Variants in GPC5 observed in about 807,000 individuals in gnomAD.
GPC5 encodes the protein glypican-5.
GPC5 carries 47 observed loss-of-function variants against 53.9 expected under a neutral mutation model. The observed-to-expected ratio is 0.87, with a 90% CI of 0.69 to 1.11. The LOEUF (loss-of-function observed/expected upper bound fraction) is 1.11, where lower values mean the gene tolerates loss of function less well. Among genes scored for constraint, GPC5 ranks in the 50% most tolerant of loss-of-function variants. The pLI is 0.00. For missense variants in GPC5, 748 were observed against 713.1 expected (o/e 1.05, Z -0.56); for synonymous variants, 286 against 263.3 (o/e 1.09, Z -0.84).
At chr13:92,604,522 C>G (rs939022237) in intron 7 of GPC5, among the ~76,000 whole-genome samples, 3 of 152,124 alleles carry the variant, frequency 2.0e-5, no homozygotes, top group African/African-American at 7.2e-5. Context: ...TCAAGTTAAC[C>G]CTCTTAAAAG....
intron 7 of GPC5, among the ~76,000 whole-genome samples, chr13:92,860,182 A>C (rs572240118): frequency 1.3e-4 from 20 of 152,206 alleles, no homozygotes; most frequent in African/African-American, 4.3e-4. Context: ...TTTTTACATA[A>C]TTTATCAAAA....
chr13:91,493,174 C>A (rs1884034779), intron 2 of GPC5, among the ~76,000 whole-genome samples: 1 of 152,148 alleles, frequency 6.6e-6, no homozygotes, highest in Admixed American at 6.5e-5. Context: ...TGCAGCAGAA[C>A]AGAGGAAGAA....
At chr13:92,226,612 C>T (rs934149178) in intron 7 of GPC5, among the ~76,000 whole-genome samples, 2 of 148,496 alleles carry the variant, frequency 1.3e-5, no homozygotes, top group Non-Finnish European at 3.0e-5. Flanking sequence ...ACAAGCAGAA[C>T]TTTTTTTTTT....
chr13:92,204,546 A>G (rs569666303), intron 7 of GPC5, among the ~76,000 whole-genome samples: 2 of 152,246 alleles, frequency 1.3e-5, no homozygotes, highest in African/African-American at 2.4e-5. Context: ...TCCACACAAC[A>G]CTACCCTCTC....
chr13:91,995,997 G>A (rs2040500360), intron 6 of GPC5: 1 of 152,152 alleles, frequency 6.6e-6, no homozygotes, highest in Admixed American at 6.5e-5. Flanking sequence ...ATGGAATTAT[G>A]GGCAGTTCCC....
chr13:91,690,189 A>T (rs1230935317), intron 2 of GPC5, among the ~76,000 whole-genome samples: 1 of 152,206 alleles, frequency 6.6e-6, no homozygotes, highest in Admixed American at 6.6e-5. Flanking sequence ...TTGATGACAT[A>T]TAATTTCCCC....
intron 6 of GPC5, among the ~76,000 whole-genome samples, chr13:92,066,240 A>G (rs555048254): frequency 6.6e-6 from 1 of 152,180 alleles, no homozygotes; most frequent in East Asian, 1.9e-4. Flanking sequence ...TAAGCTAATC[A>G]CTGTATCTTT....
chr13:92,097,203 C>T (rs868302118), intron 6 of GPC5, among the ~76,000 whole-genome samples: 7 of 152,186 alleles, frequency 4.6e-5, no homozygotes, highest in Non-Finnish European at 8.8e-5. Context: ...CACTGTTATG[C>T]GGAAAGGAGA....
At chr13:92,620,478 G>A (rs1884836131) in intron 7 of GPC5, among the ~76,000 whole-genome samples, 3 of 152,116 alleles carry the variant, frequency 2.0e-5, no homozygotes, top group Admixed American at 2.0e-4. Flanking sequence ...TTTACATTTT[G>A]TAATATAAAG....
At chr13:91,825,912 T>G (rs2038569008) in intron 5 of GPC5, among the ~76,000 whole-genome samples, 1 of 152,074 alleles carries the variant, frequency 6.6e-6, no homozygotes, top group South Asian at 2.1e-4. Context: ...AGTACTTACA[T>G]GAGGGAAGCT....
intron 7 of GPC5, among the ~76,000 whole-genome samples, chr13:92,300,622 T>A (rs2043069093): frequency 6.6e-6 from 1 of 152,188 alleles, no homozygotes. Context: ...ATAAATAGAA[T>A]GTGCTGGACT....
intron 7 of GPC5, among the ~76,000 whole-genome samples, chr13:92,298,468 T>C (rs2043053555): frequency 1.3e-5 from 2 of 152,184 alleles, no homozygotes; most frequent in African/African-American, 2.4e-5. Context: ...AACAGCTTGC[T>C]AGGGGACTCA....
chr13:92,445,303 G>GTTTTA lies in GPC5; in HGVS notation c.1561+300337_1561+300341dup, dbSNP rs1202482366. Among the ~76,000 whole-genome samples the GTTTTA allele has an allele frequency of 4.5e-4, 44 of 97,572 alleles. No individual in the cohort carries two copies. The South Asian group carries it at 4.9e-3, about 11-fold the overall frequency. The allele number at this position is 97,572 out of a possible 152,430, so 64.0% of individuals were successfully genotyped here. A position where few individuals can be genotyped will look rare whatever the true frequency, so the allele number is the denominator to read the frequency against. On this transcript the variant is annotated intron_variant, in intron 7 of 7. Coordinates refer to ENST00000377067, the MANE Select transcript of GPC5 (RefSeq NM_004466.6). ...AGATTCTCTTTTTGTGATTTTTTTT[G>GTTTTA]TTTTATTTTATTTTATTTTATTTTA...
rs185614332 is a variant in GPC5, at chr13:92,498,717, G to A, written c.1561+353728G>A. Among the ~76,000 whole-genome samples the A allele has an allele frequency of 5.4e-4, 82 of 152,088 alleles. 1 individual carries two copies. Among genetic ancestry groups the A allele is most frequent in the African/African-American group, 1.3e-3 (53 of 41,504 alleles). On this transcript the variant is annotated intron_variant, in intron 7 of 7. Coordinates refer to ENST00000377067, the MANE Select transcript of GPC5 (RefSeq NM_004466.6). ...CTTCACCTTTTACAGTTAGACAATC[G>A]GACCCATTATATGTGCTCTTTCATC... is the stretch of plus-strand genomic sequence containing the variant.
intron 7 of GPC5, among the ~76,000 whole-genome samples, chr13:92,171,124 A>C (rs1425964690): frequency 6.6e-6 from 1 of 152,080 alleles, no homozygotes; most frequent in Non-Finnish European, 1.5e-5. Context: ...AGATATTCAT[A>C]TCTGCCTCCA....
intron 5 of GPC5, among the ~76,000 whole-genome samples, chr13:91,839,211 C>T (rs1261972410): frequency 6.6e-6 from 1 of 152,110 alleles, no homozygotes; most frequent in Non-Finnish European, 1.5e-5. Context: ...CATTACAATG[C>T]ATAGTAAATA....
At chr13:92,194,345 C>T (rs1447960215) in intron 7 of GPC5, among the ~76,000 whole-genome samples, 1 of 152,140 alleles carries the variant, frequency 6.6e-6, no homozygotes, top group Non-Finnish European at 1.5e-5. Context: ...GTGATGCATG[C>T]CATAGGCTCT....
At chr13:91,416,543 T>A (rs1239310510) in intron 1 of GPC5, among the ~76,000 whole-genome samples, 1 of 152,138 alleles carries the variant, frequency 6.6e-6, no homozygotes, top group African/African-American at 2.4e-5. Context: ...TGTGCCATGT[T>A]GGTTTGCCGC....
intron 5 of GPC5, among the ~76,000 whole-genome samples, chr13:91,805,001 G>C (rs1264260174): frequency 6.6e-6 from 1 of 152,196 alleles, no homozygotes; most frequent in Non-Finnish European, 1.5e-5. Context: ...ATTGTGAACT[G>C]ATTTAGAGCT....
Sources: gnomAD v4.1 joint callset for allele counts (sites outside exome capture counted in the v4.1 genomes callset) on GRCh38, gnomAD v4.1.1 for gene constraint, MANE v1.5 for transcripts, NCBI Gene and HGNC (gene_info 2026-07-23, HGNC 2026-07-21) for gene names.